The following RASA3 variants were observed in gnomAD, a reference collection of about 807,000 sequenced individuals.
RASA3 encodes the protein ras GTPase-activating protein 3.
A neutral mutation model predicts 110.0 loss-of-function variants in RASA3; 73 were observed. The ratio of observed to expected loss-of-function variants is 0.66; its 90% CI spans 0.55 to 0.81. The LOEUF is 0.81. RASA3 is among the 30% of genes least tolerant of loss of function. The pLI is 0.00. For synonymous variants in RASA3, 500 were observed against 451.4 expected, an observed-to-expected ratio of 1.11 and a Z score of -1.37; for missense variants, 976 against 1,113.2, an observed-to-expected ratio of 0.88 and a Z score of 1.75.
chr13:114,101,283 G>C (rs9525177), intron 1 of RASA3, among the ~76,000 whole-genome samples: 6,600 of 152,326 alleles, frequency 0.043, 261 homozygotes, highest in East Asian at 0.18. Context: ...AGACCCCTGG[G>C]CCATGTGCTA....
chr13:114,051,979 G>T, intron 3 of RASA3, 73 bp downstream of exon 3: 1 of 1,236,062 alleles, frequency 8.1e-7, no homozygotes, highest in Non-Finnish European at 1.2e-6. Flanking sequence ...GCCAGGCTCT[G>T]GACTGAAATG....
chr13:114,010,145 G>A (rs1166427633), intron 16 of RASA3, among the ~76,000 whole-genome samples: 1 of 152,210 alleles, frequency 6.6e-6, no homozygotes, highest in African/African-American at 2.4e-5. Context: ...CGGCCTGCCT[G>A]CGAGTGTGGC....
At chr13:114,020,278 G>A (rs1025755143) in intron 9 of RASA3, among the ~76,000 whole-genome samples, 2 of 152,050 alleles carry the variant, frequency 1.3e-5, no homozygotes, top group Non-Finnish European at 2.9e-5. Flanking sequence ...CCGGTCAGGT[G>A]GGTGGAGCCT....
At chr13:114,132,343 T>C in intron 1 of RASA3, 92 bp downstream of exon 1, 2 of 1,287,700 alleles carry the variant, frequency 1.6e-6, no homozygotes, top group South Asian at 1.8e-5. Context: ...TCCGCCGGGG[T>C]CCCCAGCAAG....
chr13:114,037,579 G>C (rs1199936637), intron 4 of RASA3, among the ~76,000 whole-genome samples: 6 of 152,204 alleles, frequency 3.9e-5, no homozygotes, highest in Admixed American at 2.6e-4. Flanking sequence ...AGGAGCTCTA[G>C]AGATGGGTGG....
intron 18 of RASA3, among the ~76,000 whole-genome samples, chr13:114,001,379 C>A: frequency 7.3e-6 from 1 of 136,642 alleles, no homozygotes; most frequent in Non-Finnish European, 1.6e-5. Context: ...CCCGCGGCCG[C>A]GGGCTCGGGG....
chr13:114,114,870 G>A lies in RASA3; in HGVS notation c.55+17565C>T, dbSNP rs1028877605. Among the ~76,000 whole-genome samples, 9 of 152,204 alleles carry A rather than the reference G, an allele frequency of 5.9e-5. No homozygotes were observed. The highest frequency in any genetic ancestry group is 2.1e-4 in the South Asian group (1 of 4,836). On this transcript the variant is annotated intron_variant, in intron 1 of 23. Coordinates refer to ENST00000334062, the MANE Select transcript of RASA3 (RefSeq NM_007368.4). This position sits in a 1 kb window ranked among gnomAD's most constrained non-coding sequence, Gnocchi z 4.8. ...ACCCATAGCTCCCAGCTCCAGGGACGACGCGGGGGTGCTAAGCTGGTAAGC... is the reference window on the plus strand; with the variant it reads ...ACCCATAGCTCCCAGCTCCAGGGACAACGCGGGGGTGCTAAGCTGGTAAGC...
At chr13:114,013,335 AG>A in intron 14 of RASA3, 87 bp from the exon 15 acceptor site, 1 of 894,484 alleles carries the variant, frequency 1.1e-6, no homozygotes, top group Non-Finnish European at 1.7e-6. Context: ...GAGGGTCCGC[AG>A]GGAAGTCCAG....
chr13:114,009,224 G>A (rs988946775), intron 17 of RASA3, among the ~76,000 whole-genome samples, 163 bp downstream of exon 17: 2 of 152,192 alleles, frequency 1.3e-5, no homozygotes, highest in African/African-American at 4.8e-5. Flanking sequence ...CCAGGACTTG[G>A]GACAAGGCTG....
rs9562183 is a variant in RASA3 at position 114,014,040 on chromosome 13, A to C, written c.1406-792T>G. Among the ~76,000 whole-genome samples, 1,611 of 43,880 alleles carry C rather than the reference A, an allele frequency of 0.037. 35 individuals carry two copies. The highest frequency in any genetic ancestry group is 0.099 in the African/African-American group (1,337 of 13,458). 28.8% of individuals were successfully genotyped at this position (43,880 alleles called of 152,430 possible). The stretch of plus-strand genomic sequence containing the variant: ...TCTCCATCTCTCTCTCTCCGTCTCT[A>C]TCTCTCTCTCCGTCTGTCTCTGCCT... On this transcript the variant is annotated intron_variant, in intron 14 of 23. Transcript: ENST00000334062. This position sits in a 1 kb window ranked among gnomAD's most constrained non-coding sequence, Gnocchi z 4.5.
Position 114,019,311 on chromosome 13 carries a change from C to T in RASA3, c.786-392G>A, listed in dbSNP as rs533222448. The stretch of plus-strand genomic sequence containing the variant: ...AAGTGTGCCGTGGCTCCCGATGTCA[C>T]GGGGTGGGGGCCTTGGGCTAGTGAG... On this transcript the variant is annotated intron_variant, in intron 9 of 23. Coordinates refer to ENST00000334062, the MANE Select transcript of RASA3 (RefSeq NM_007368.4). Among the ~76,000 whole-genome samples the T allele has an allele frequency of 6.6e-5, 10 of 152,322 alleles. No individual in the cohort carries two copies. The East Asian group carries it at 1.7e-3, about 26-fold the overall frequency.
chr13:114,088,638 G>T (rs2079850691), intron 1 of RASA3, among the ~76,000 whole-genome samples: 1 of 151,188 alleles, frequency 6.6e-6, no homozygotes, highest in South Asian at 2.1e-4. Flanking sequence ...GGCAACCTCC[G>T]CCTCCCAGGT....
chr13:113,995,607 G>A (rs1594287416), intron 21 of RASA3, among the ~76,000 whole-genome samples: 1 of 150,810 alleles, frequency 6.6e-6, no homozygotes, highest in South Asian at 2.1e-4. Context: ...GGCTGATGGG[G>A]GGCCCTGCTG....
At chr13:114,051,349 G>A (rs530855134) in intron 3 of RASA3, among the ~76,000 whole-genome samples, 47 of 152,340 alleles carry the variant, frequency 3.1e-4, no homozygotes, top group African/African-American at 9.6e-4. Flanking sequence ...GCGTCACGGC[G>A]GGAATTAGCC....
intron 23 of RASA3, among the ~76,000 whole-genome samples, 165 bp from the exon 24 acceptor site, chr13:113,979,587 G>A (rs555686667): frequency 1.3e-5 from 2 of 152,352 alleles, no homozygotes; most frequent in South Asian, 2.1e-4. Flanking sequence ...AAGCACCCAC[G>A]GTGACTCTGA....
intron 1 of RASA3, among the ~76,000 whole-genome samples, chr13:114,116,142 C>T (rs886587348): frequency 2.0e-5 from 3 of 152,240 alleles, no homozygotes; most frequent in East Asian, 1.9e-4. Context: ...GCGCAGCTAA[C>T]GCTCTTCAAG....
chr13:114,011,335 C>A lies in RASA3; in HGVS notation c.1513-87G>T. On this transcript the variant is annotated intron_variant, in intron 15 of 23. Coordinates refer to ENST00000334062, the MANE Select transcript of RASA3 (RefSeq NM_007368.4). This position sits in a 1 kb window ranked among gnomAD's most constrained non-coding sequence, Gnocchi z 4.8. ...GATCGAGGGGACGAAATGCAGGAGT[C>A]ACCTCAGAGCTGCTGTGGCTTGTGC... The A allele has an allele frequency of 8.7e-7, 1 of 1,144,556 alleles. No individual in the cohort carries two copies. The highest frequency in any genetic ancestry group is 1.3e-5 in the South Asian group (1 of 77,180). The allele number at this position is 1,144,556 out of a possible 1,614,324, so 70.9% of individuals were successfully genotyped here.
chr13:114,000,775 A>C, intron 19 of RASA3, 51 bp downstream of exon 19: 1 of 1,322,958 alleles, frequency 7.6e-7, no homozygotes, highest in Non-Finnish European at 1.1e-6. Flanking sequence ...ACTCAGTCCC[A>C]GGGCCCAGCA....
intron 21 of RASA3, among the ~76,000 whole-genome samples, chr13:113,994,120 G>C (rs1209383215): frequency 6.6e-6 from 1 of 152,178 alleles, no homozygotes; most frequent in Admixed American, 6.5e-5. Flanking sequence ...ATACTGATTA[G>C]AAATTGTTTC....
Sources: gnomAD v4.1 joint callset for allele counts (sites outside exome capture counted in the v4.1 genomes callset) on GRCh38, gnomAD v4.1.1 for gene constraint, Gnocchi (gnomAD v3.1) non-coding constraint, MANE v1.5 for transcripts, NCBI Gene and HGNC (gene_info 2026-07-23, HGNC 2026-07-21) for gene names.